The following EML6 variants were observed in gnomAD, a reference collection of about 807,000 sequenced individuals.
The protein encoded by EML6 is echinoderm microtubule-associated protein-like 6.
In EML6, 154 loss-of-function variants were observed where a neutral mutation model predicts 240.1. That is an observed-to-expected ratio of 0.64 (90% confidence interval 0.56 to 0.73). The LOEUF is 0.73. EML6 is among the 30% of genes least tolerant of loss of function. The pLI is 0.00. For missense variants in EML6, 2,964 were observed against 2,474.6 expected, an observed-to-expected ratio of 1.20 and a Z score of -4.20; for synonymous variants, 1,148 against 899.0, an observed-to-expected ratio of 1.28 and a Z score of -4.95.
intron 14 of EML6, chr2:54,868,242 C>G (rs566189414): frequency 6.6e-6 from 1 of 151,960 alleles, no homozygotes; most frequent in South Asian, 2.1e-4. Context: ...TAGTGTTGCT[C>G]CATTAACAGT....
rs574347722 is a variant in EML6, at chr2:54,938,701, G to T, written c.4004+9950G>T. 5.9e-5 allele frequency among the ~76,000 whole-genome samples: 9 copies of T among 152,348 alleles called. No individual in the cohort carries two copies. In the South Asian group the frequency reaches 1.7e-3, roughly 28 times the overall value. On this transcript the variant is annotated intron_variant, in intron 28 of 41. Transcript: ENST00000356458. ...CTGCCTCAGGCCCAGGCTTCACGCT[G>T]TCTGAGGTTCTCTTCAGCACAATGT...
chr2:54,853,844 G>C lies in EML6; in HGVS notation c.1646G>C (p.Cys549Ser), dbSNP rs923807837. The change falls in exon 11 of 42, where the codon TGT becomes TCT. Residue 549 changes from cysteine to serine, a missense_variant. By Grantham distance (112) the Cys-to-Ser change is moderately radical. Transcript: ENST00000356458. ...FGLVKLFKFP[C>S]LKRGAKFRKY... ...CTGGTTAAATTGTTTAAATTTCCTT[G>C]TCTCAAGAGAGGTAAGGCCAAAAGA... 6.5e-7 allele frequency: 1 copy of C among 1,550,268 alleles called. No individual in the cohort carries two copies. The highest frequency in any genetic ancestry group is 8.7e-7 in the Non-Finnish European group (1 of 1,145,838).
chr2:54,910,214 C>T (rs2104281944), intron 24 of EML6, among the ~76,000 whole-genome samples: 1 of 152,234 alleles, frequency 6.6e-6, no homozygotes, highest in East Asian at 1.9e-4. Context: ...TGAAACTTTC[C>T]ATAATATTTA....
intron 2 of EML6, among the ~76,000 whole-genome samples, chr2:54,750,354 C>T (rs1684104897): frequency 6.6e-6 from 1 of 152,216 alleles, no homozygotes; most frequent in South Asian, 2.1e-4. Flanking sequence ...AGGTTGCTTG[C>T]TCCTCTGGGA....
chr2:54,771,141 T>C (rs769743583), intron 2 of EML6, among the ~76,000 whole-genome samples: 1 of 152,182 alleles, frequency 6.6e-6, no homozygotes, highest in South Asian at 2.1e-4. Context: ...ATCCAGCCTA[T>C]GTAATTTACT....
At chr2:54,809,638 C>G (rs898959931) in intron 2 of EML6, among the ~76,000 whole-genome samples, 3 of 152,100 alleles carry the variant, frequency 2.0e-5, no homozygotes, top group African/African-American at 7.2e-5. Flanking sequence ...TAATACTTCC[C>G]TGTCATTTAA....
Position 54,957,812 on chromosome 2 carries a change from G to A in EML6, c.4509G>A (p.Gly1503=), listed in dbSNP as rs1359310387. 1 of 1,549,978 alleles carries A rather than the reference G, an allele frequency of 6.5e-7. No individual in the cohort carries two copies. The highest frequency in any genetic ancestry group is 2.4e-5 in the East Asian group (1 of 40,926). ...CAGGTGCCAAGGTTGCCAGCCGAGGGGGTCACCTGGAGCGCATATTTGTGG... is the reference window on the plus strand; with the variant it reads ...CAGGTGCCAAGGTTGCCAGCCGAGGAGGTCACCTGGAGCGCATATTTGTGG... ...WQEGAKVASR[G]GHLERIFVVE... is the part of the protein sequence containing the mutation. The change falls in exon 33 of 42, where the codon GGG becomes GGA. Residue 1503 remains glycine (G), a synonymous_variant. Transcript: ENST00000356458.
chr2:54,837,126 C>G (rs528741712), intron 7 of EML6, among the ~76,000 whole-genome samples: 1 of 152,138 alleles, frequency 6.6e-6, no homozygotes, highest in Non-Finnish European at 1.5e-5. Context: ...CTCTTGCACT[C>G]AAGGCATTCC....
intron 22 of EML6, among the ~76,000 whole-genome samples, chr2:54,902,351 T>C (rs1039848876): frequency 2.2e-4 from 34 of 152,198 alleles, no homozygotes; most frequent in African/African-American, 7.9e-4. Flanking sequence ...AAGTTGAAAA[T>C]GTATTTTTGA....
intron 25 of EML6, among the ~76,000 whole-genome samples, chr2:54,912,744 AT>A (rs1162825911): frequency 2.6e-5 from 4 of 152,164 alleles, no homozygotes; most frequent in Admixed American, 1.3e-4. Flanking sequence ...TTATTTCATT[AT>A]TTTTTATGGC....
At chr2:54,949,271 C>T (rs192060856) in intron 29 of EML6, among the ~76,000 whole-genome samples, 225 of 152,286 alleles carry the variant, frequency 1.5e-3, no homozygotes, top group African/African-American at 5.2e-3. Context: ...CCCTCAGCAT[C>T]CCTTCCATGG....
chr2:54,866,625 AAG>A, intron 13 of EML6, 139 bp from the exon 14 acceptor site: 1 of 463,300 alleles, frequency 2.2e-6, no homozygotes, highest in Non-Finnish European at 4.0e-6. Context: ...CATTAGGAAA[AAG>A]TAATATTCAT....
intron 5 of EML6, among the ~76,000 whole-genome samples, chr2:54,821,922 A>C (rs994188609): frequency 6.6e-6 from 1 of 152,126 alleles, no homozygotes; most frequent in African/African-American, 2.4e-5. Context: ...TAAAATGTAA[A>C]AGCAAAGAAA....
At chr2:54,805,847 A>G (rs1670442579) in intron 2 of EML6, among the ~76,000 whole-genome samples, 1 of 152,168 alleles carries the variant, frequency 6.6e-6, no homozygotes, top group African/African-American at 2.4e-5. Flanking sequence ...GGGAAGAGTA[A>G]GGTTCACTTT....
intron 34 of EML6, among the ~76,000 whole-genome samples, chr2:54,959,562 A>G (rs1331677449): frequency 1.3e-5 from 2 of 152,004 alleles, no homozygotes; most frequent in Non-Finnish European, 2.9e-5. Context: ...AGGAGTTCAA[A>G]ACCAGCCTGG....
At chr2:54,885,008 A>G (rs11901200) in intron 17 of EML6, among the ~76,000 whole-genome samples, 5,413 of 151,976 alleles carry the variant, frequency 0.036, 110 homozygotes, top group East Asian at 0.06. Context: ...TAAAAATACA[A>G]AAAATTACCC....
At chr2:54,783,593 T>C (rs1009641738) in intron 2 of EML6, among the ~76,000 whole-genome samples, 1 of 152,088 alleles carries the variant, frequency 6.6e-6, no homozygotes, top group African/African-American at 2.4e-5. Flanking sequence ...AAGGAAAGAA[T>C]TGTCCGTGTA....
chr2:54,889,062 C>T (rs540556767), intron 17 of EML6, among the ~76,000 whole-genome samples: 2 of 152,280 alleles, frequency 1.3e-5, no homozygotes, highest in South Asian at 4.1e-4. Flanking sequence ...TCATCTTTCT[C>T]TTGCTATTTA....
intron 17 of EML6, among the ~76,000 whole-genome samples, chr2:54,888,522 C>G (rs1024970677): frequency 6.6e-6 from 1 of 152,178 alleles, no homozygotes; most frequent in Non-Finnish European, 1.5e-5. Flanking sequence ...TTTCATCCCT[C>G]CTCCCTCCTC....
Sources: allele counts gnomAD v4.1 joint callset (sites outside exome capture counted in the v4.1 genomes callset), GRCh38; gene constraint gnomAD v4.1.1; transcripts MANE v1.5; gene names NCBI Gene and HGNC (gene_info 2026-07-23, HGNC 2026-07-21).